Variants in HECW1 observed in about 807,000 individuals in gnomAD.
HECW1 encodes HECT, C2 and WW domain containing E3 ubiquitin protein ligase 1, also known as E3 ubiquitin-protein ligase HECW1.
Under a neutral mutation model 182.3 loss-of-function variants are expected in HECW1, and 61 were observed. The observed-to-expected ratio is 0.33, with a 90% confidence interval of 0.27 to 0.41. The LOEUF (loss-of-function observed/expected upper bound fraction) is 0.41, where lower values mean the gene tolerates loss of function less well. Ranked by LOEUF, HECW1 falls within the 10% of genes least tolerant of loss-of-function variation. HECW1 has a pLI of 1.00. For synonymous variants in HECW1, 859 were observed against 832.6 expected (o/e 1.03, Z -0.55); for missense variants, 1,739 against 2,108.9 (o/e 0.82, Z 3.44).
chr7:43,165,803 CCTTT>C (rs1391536254), intron 2 of HECW1, among the ~76,000 whole-genome samples: 1 of 152,128 alleles, frequency 6.6e-6, no homozygotes, highest in Non-Finnish European at 1.5e-5. Flanking sequence ...GAAATAACTT[CCTTT>C]CTATTTCTTA....
Position 43,236,292 on chromosome 7 carries a change from A to G in HECW1, c.-31-7583A>G, listed in dbSNP as rs57208448. ...TATCATTATTTAAGTAATTACTAAA[A>G]TTATTAAGTGATTTGGGAAACCATT... On this transcript the variant is annotated intron_variant, in intron 2 of 29. Transcript: ENST00000395891. Among the ~76,000 whole-genome samples the G allele has an allele frequency of 2.1e-3, 320 of 152,310 alleles. 2 individuals are homozygous for G. The highest frequency in any genetic ancestry group is 7.5e-3 in the African/African-American group (310 of 41,564).
intron 2 of HECW1, among the ~76,000 whole-genome samples, chr7:43,235,916 C>T (rs574994493): frequency 1.3e-4 from 20 of 152,230 alleles, no homozygotes; most frequent in Non-Finnish European, 2.9e-4. Context: ...GTGCCGGGCA[C>T]GGTGGTTCAC....
At chr7:43,390,703 CTTTCAGACCA>C (rs1262895854) in intron 6 of HECW1, among the ~76,000 whole-genome samples, 3 of 152,044 alleles carry the variant, frequency 2.0e-5, no homozygotes, top group African/African-American at 7.3e-5. Flanking sequence ...TGTTTTAAGT[CTTTCAGACCA>C]AATATTGATT....
At chr7:43,371,018 G>A (rs1387828444) in intron 6 of HECW1, among the ~76,000 whole-genome samples, 1 of 151,778 alleles carries the variant, frequency 6.6e-6, no homozygotes, top group African/African-American at 2.4e-5. Context: ...CTCCCGAGTA[G>A]CTGGGACTAC....
At chr7:43,454,297 T>A (rs2152886957) in intron 12 of HECW1, among the ~76,000 whole-genome samples, 1 of 152,324 alleles carries the variant, frequency 6.6e-6, no homozygotes, top group Non-Finnish European at 1.5e-5. Context: ...AATTCCACAA[T>A]GCTCTTCAAA....
chr7:43,545,625 G>T (rs986846799), intron 26 of HECW1, among the ~76,000 whole-genome samples: 1 of 152,198 alleles, frequency 6.6e-6, no homozygotes, highest in Non-Finnish European at 1.5e-5. Context: ...CAAATATTTT[G>T]TAGGTTATAG....
chr7:43,170,652 G>A (rs898843996), intron 2 of HECW1, among the ~76,000 whole-genome samples: 3 of 152,188 alleles, frequency 2.0e-5, no homozygotes, highest in African/African-American at 7.2e-5. Context: ...TGTCAAAGGT[G>A]CATGGTATGT....
chr7:43,278,815 A>C (rs1385325817), intron 3 of HECW1, among the ~76,000 whole-genome samples: 1 of 152,046 alleles, frequency 6.6e-6, no homozygotes, highest in Non-Finnish European at 1.5e-5. Flanking sequence ...TTACAATTGC[A>C]ACCACCCACG....
At chr7:43,311,610 G>C in intron 3 of HECW1, 153 bp from the exon 4 acceptor site, 1 of 797,168 alleles carries the variant, frequency 1.3e-6, no homozygotes. Context: ...CCTTTGTCAC[G>C]AGGAAGATGC....
intron 19 of HECW1, among the ~76,000 whole-genome samples, chr7:43,498,025 T>C (rs2079184220): frequency 2.6e-5 from 4 of 152,162 alleles, no homozygotes; most frequent in Admixed American, 2.6e-4. Context: ...AAGGGATATA[T>C]GTAGGAGAGA....
In HECW1 at chr7:43,444,857, G is replaced by A. The variant is rs781174212; in HGVS notation, c.1685G>A (p.Arg562His). Residue 562 changes from arginine (R) to histidine (H), a missense_variant, in exon 11 of 30, where the codon CGC becomes CAC. This residue lies in a region of HECW1 where 971 missense variants were observed against 1,029.1 expected (regional missense o/e 0.94). Coordinates refer to ENST00000395891, the MANE Select transcript of HECW1 (RefSeq NM_015052.5). This position sits in a 1 kb window ranked among gnomAD's most constrained non-coding sequence, Gnocchi z 4.3. ...GAGACCCCGCGGACACACTACATCC[G>A]CATCCACACCCTGCTGCACAGCATG... ...DPETPRTHYI[R>H]IHTLLHSMPS... The A allele has an allele frequency of 1.2e-6, 2 of 1,612,876 alleles. No homozygotes were observed. Among genetic ancestry groups the A allele is most frequent in the East Asian group, 2.2e-5 (1 of 44,862 alleles).
chr7:43,142,145 C>T (rs1261051762), intron 2 of HECW1, among the ~76,000 whole-genome samples: 1 of 152,030 alleles, frequency 6.6e-6, no homozygotes, highest in African/African-American at 2.4e-5. Flanking sequence ...GTGTGGGATG[C>T]CTGTTTTTGT....
chr7:43,123,590 T>C (rs1436921534), intron 2 of HECW1, among the ~76,000 whole-genome samples: 1 of 152,214 alleles, frequency 6.6e-6, no homozygotes, highest in African/African-American at 2.4e-5. Flanking sequence ...TTGCCCATTC[T>C]GAGGTTCAGA....
intron 3 of HECW1, among the ~76,000 whole-genome samples, chr7:43,304,209 C>G (rs965548908): frequency 6.6e-6 from 1 of 152,086 alleles, no homozygotes; most frequent in Non-Finnish European, 1.5e-5. Flanking sequence ...TGGCCTGTCT[C>G]CAAACCCTCC....
chr7:43,218,713 C>A (rs942676972), intron 2 of HECW1, among the ~76,000 whole-genome samples: 4 of 152,256 alleles, frequency 2.6e-5, no homozygotes, highest in South Asian at 2.1e-4. Context: ...AAGAGCATGT[C>A]ATGGTTTAAG....
intron 2 of HECW1, among the ~76,000 whole-genome samples, chr7:43,202,318 T>C (rs1795079808): frequency 6.6e-6 from 1 of 152,164 alleles, no homozygotes; most frequent in Non-Finnish European, 1.5e-5. Flanking sequence ...CATCAAAAAA[T>C]TGTGTGTGCA....
chr7:43,347,425 G>A lies in HECW1; in HGVS notation c.461-13461G>A, dbSNP rs1418094788. On this transcript the variant is annotated intron_variant, in intron 5 of 29. Coordinates refer to ENST00000395891, the MANE Select transcript of HECW1 (RefSeq NM_015052.5). ...TTATCAGTTCTAGGAGCTTTCTGGA[G>A]GAGTCCTTAGGGTTTTCAAGGTAAA... Among the ~76,000 whole-genome samples the A allele has an allele frequency of 2.6e-5, 4 of 152,070 alleles. No individual in the cohort carries two copies. The East Asian group carries it at 7.7e-4, about 29-fold the overall frequency.
intron 2 of HECW1, among the ~76,000 whole-genome samples, chr7:43,203,072 T>C (rs928129888): frequency 6.6e-6 from 1 of 152,160 alleles, no homozygotes; most frequent in Non-Finnish European, 1.5e-5. Flanking sequence ...GCCTGTTTGG[T>C]GGTCTCTTCA....
chr7:43,286,041 A>C (rs930206212), intron 3 of HECW1, among the ~76,000 whole-genome samples: 19 of 152,214 alleles, frequency 1.2e-4, no homozygotes, highest in Non-Finnish European at 2.8e-4. Context: ...GAGACCACAG[A>C]GATAGATCAG....
Sources: gnomAD v4.1 joint callset for allele counts (sites outside exome capture counted in the v4.1 genomes callset) on GRCh38, gnomAD v4.1.1 for gene constraint, gnomAD v4.1.1 regional missense constraint, Gnocchi (gnomAD v3.1) non-coding constraint, MANE v1.5 for transcripts, NCBI Gene and HGNC (gene_info 2026-07-23, HGNC 2026-07-21) for gene names.